DNAJC10: variants seen among roughly 807,000 people sequenced by gnomAD.
The protein encoded by DNAJC10 is DnaJ heat shock protein family (Hsp40) member C10, also known as endoplasmic reticulum disulfide reductase DNAJC10.
In DNAJC10, 101 loss-of-function variants were observed where a neutral mutation model predicts 115.0. The observed-to-expected ratio is 0.88, with a 90% CI of 0.75 to 1.04. The LOEUF (loss-of-function observed/expected upper bound fraction) is 1.04, where lower values mean the gene tolerates loss of function less well. Among genes scored for constraint, DNAJC10 ranks in the 50% least tolerant of loss-of-function variants. The pLI, the probability that DNAJC10 is intolerant of heterozygous loss-of-function variation, is 0.00. For missense variants in DNAJC10, 981 were observed against 928.8 expected, an observed-to-expected ratio of 1.06 and a Z score of -0.73; for synonymous variants, 307 against 301.5, an observed-to-expected ratio of 1.02 and a Z score of -0.19.
rs555531089 is a variant in DNAJC10, at chr2:182,788,412, A to G, written c.*11280A>G. 3 of 217,034 alleles carry G rather than the reference A, an allele frequency of 1.4e-5. No homozygotes were observed. In the South Asian group the frequency reaches 2.1e-4, roughly 15 times the overall value. The allele number at this position is 217,034 out of a possible 1,614,324, so 13.4% of individuals were successfully genotyped here. A position where few individuals can be genotyped will look rare whatever the true frequency, so the allele number is the denominator to read the frequency against. ...TACTTTGGTTACCTATGTACCTGTT[A>G]CCACTTGCAGAAATCAACAGACAAG... On this transcript the variant is annotated 3_prime_UTR_variant, in exon 24 of 24. Transcript: ENST00000264065.
chr2:182,728,833 A>G (rs1304320423), intron 6 of DNAJC10, 30 bp from the exon 7 acceptor site: 1 of 1,613,244 alleles, frequency 6.2e-7, no homozygotes, highest in Non-Finnish European at 8.5e-7. Context: ...TGGTCTTATC[A>G]GAGAAATATG....
chr2:182,766,272 A>T (rs74650559), intron 22 of DNAJC10, among the ~76,000 whole-genome samples: 3,838 of 152,308 alleles, frequency 0.025, 163 homozygotes, highest in African/African-American at 0.089. Flanking sequence ...CTATGGTCAT[A>T]CTAGAGCATC....
In DNAJC10 at chr2:182,792,215, A is replaced by G. The variant is rs896764826; in HGVS notation, c.*15083A>G. ...ACCATCAGTGAACAATTATTTTTTT[A>G]TCTCCATGCTATAATCTTGCACAAG... On this transcript the variant is annotated 3_prime_UTR_variant, in exon 24 of 24. Coordinates refer to ENST00000264065, the MANE Select transcript of DNAJC10 (RefSeq NM_018981.4). 3.9e-5 allele frequency: 6 copies of G among 152,218 alleles called. No homozygotes were observed. The highest frequency in any genetic ancestry group is 1.4e-4 in the African/African-American group (6 of 41,456). The allele number at this position is 152,218 out of a possible 1,614,324, so 9.4% of individuals were successfully genotyped here.
intron 5 of DNAJC10, 98 bp downstream of exon 5, chr2:182,722,173 G>A (rs1055906352): frequency 2.7e-5 from 24 of 881,992 alleles, no homozygotes; most frequent in Non-Finnish European, 3.9e-5. Flanking sequence ...AAATCTTTTG[G>A]AGTTTCGAAC....
intron 8 of DNAJC10, chr2:182,730,516 T>C (rs1201665700): frequency 1.6e-5 from 7 of 447,730 alleles, no homozygotes; most frequent in South Asian, 1.1e-4. Context: ...AAATGCAATA[T>C]AGGTACTATT....
At chr2:182,776,630 A>G (rs773735054) in intron 23 of DNAJC10, among the ~76,000 whole-genome samples, 1 of 152,220 alleles carries the variant, frequency 6.6e-6, no homozygotes, top group Non-Finnish European at 1.5e-5. Context: ...GCAGACCCCA[A>G]TAGACAAAGC....
rs1310306465 is a variant in DNAJC10, at chr2:182,747,643, G to GT, written c.1306+3935dup. On this transcript the variant is annotated intron_variant, in intron 14 of 23. Coordinates refer to ENST00000264065, the MANE Select transcript of DNAJC10 (RefSeq NM_018981.4). ...GGAGATTTTGGGCTGAGACAATGTG[G>GT]TTTTCTAGATATACAATCATGTCGT... 9.2e-5 allele frequency among the ~76,000 whole-genome samples: 14 copies of GT among 152,094 alleles called. No individual in the cohort carries two copies. In the South Asian group the frequency reaches 2.9e-3, roughly 32 times the overall value.
chr2:182,748,349 C>G (rs1396702367), intron 14 of DNAJC10, among the ~76,000 whole-genome samples: 1 of 152,162 alleles, frequency 6.6e-6, no homozygotes, highest in Non-Finnish European at 1.5e-5. Flanking sequence ...GGCTGTGAAT[C>G]CATCTGGTCC....
At chr2:182,745,673 A>G (rs2105654545) in intron 14 of DNAJC10, among the ~76,000 whole-genome samples, 1 of 152,172 alleles carries the variant, frequency 6.6e-6, no homozygotes, top group East Asian at 1.9e-4. Context: ...AAAACAGACA[A>G]GTAAACTAAC....
intron 9 of DNAJC10, among the ~76,000 whole-genome samples, chr2:182,732,071 T>C (rs965064984): frequency 6.6e-6 from 1 of 152,122 alleles, no homozygotes; most frequent in Non-Finnish European, 1.5e-5. Context: ...AGAACTTTCA[T>C]AAAAATAGTG....
chr2:182,771,619 G>A (rs2105704233), intron 22 of DNAJC10, among the ~76,000 whole-genome samples: 1 of 152,264 alleles, frequency 6.6e-6, no homozygotes, highest in East Asian at 1.9e-4. Context: ...TTGTGTAGAG[G>A]TGTTTATAGT....
chr2:182,731,351 C>T (rs1693442649), intron 9 of DNAJC10, among the ~76,000 whole-genome samples: 1 of 151,996 alleles, frequency 6.6e-6, no homozygotes, highest in Non-Finnish European at 1.5e-5. Context: ...AGCTTAGACT[C>T]ATGATAAATT....
At chr2:182,736,109 T>G (rs1385891242) in intron 10 of DNAJC10, 140 bp from the exon 11 acceptor site, 1 of 568,864 alleles carries the variant, frequency 1.8e-6, no homozygotes, top group Admixed American at 4.2e-5. Context: ...AAATCTACTT[T>G]TTAACTTTGC....
At position 182,793,289 on chromosome 2, in the gene DNAJC10, C is replaced by T. The variant is rs983725930; in HGVS notation, c.*16157C>T. 2.6e-5 allele frequency: 4 copies of T among 152,216 alleles called. No homozygotes were observed. Among genetic ancestry groups the T allele is most frequent in the African/African-American group, 9.7e-5 (4 of 41,444 alleles). The allele number at this position is 152,216 out of a possible 1,614,324, so 9.4% of individuals were successfully genotyped here. A position where few individuals can be genotyped will look rare whatever the true frequency, so the allele number is the denominator to read the frequency against. ...AAGTGGGGAGCCAGATCATAGAGGG[C>T]TTTGCAGGTCACTTGTAAGGACTTT... On this transcript the variant is annotated 3_prime_UTR_variant, in exon 24 of 24. Coordinates refer to ENST00000264065, the MANE Select transcript of DNAJC10 (RefSeq NM_018981.4).
intron 21 of DNAJC10, 96 bp downstream of exon 21, chr2:182,759,403 A>G: frequency 8.4e-7 from 1 of 1,191,124 alleles, no homozygotes; most frequent in Non-Finnish European, 1.2e-6. Context: ...TTTTTTTCTT[A>G]AATGTTTCCT....
In DNAJC10 at chr2:182,722,025, G is replaced by T; in HGVS notation, c.368G>T (p.Gly123Val). 1.3e-6 allele frequency: 2 copies of T among 1,497,432 alleles called. No homozygotes were observed. The highest frequency in any genetic ancestry group is 1.4e-5 in the African/African-American group (1 of 70,752). The allele number at this position is 1,497,432 out of a possible 1,614,324, so 92.8% of individuals were successfully genotyped here. The change falls in exon 5 of 24, where the codon GGT (glycine) becomes GTT (valine). Residue 123 changes from glycine (G) to valine (V), a missense_variant and splice_region_variant. Coordinates refer to ENST00000264065, the MANE Select transcript of DNAJC10 (RefSeq NM_018981.4). ...AATTTTTATATACTTTTAAAATTAG[G>T]TATTTATGATGATGATCCTGAAATC... ...ESWNYYRYDF[G>V]IYDDDPEIIT...
chr2:182,752,674 G>A (rs1694052907), intron 16 of DNAJC10: 1 of 462,758 alleles, frequency 2.2e-6, no homozygotes, highest in East Asian at 1.6e-4. Flanking sequence ...ATATACCGTA[G>A]AATGAAAGTA....
At chr2:182,742,843 T>G (rs1442308315) in intron 13 of DNAJC10, among the ~76,000 whole-genome samples, 5 of 150,790 alleles carry the variant, frequency 3.3e-5, no homozygotes, top group African/African-American at 9.7e-5. Context: ...TTTTTCTTTG[T>G]TTTTTTTTCT....
At position 182,792,883 on chromosome 2, in the gene DNAJC10, C is replaced by G. The variant is rs546004677; in HGVS notation, c.*15751C>G. On this transcript the variant is annotated 3_prime_UTR_variant, in exon 24 of 24. Transcript: ENST00000264065. The stretch of plus-strand genomic sequence containing the variant: ...TAAATGTATTGACCTCATGAAGATT[C>G]TATTCTCGCAGTGGGGAGATAGACA... 1 of 152,244 alleles carries G rather than the reference C, an allele frequency of 6.6e-6. No individual in the cohort carries two copies. Among genetic ancestry groups the G allele is most frequent in the South Asian group, 2.1e-4 (1 of 4,828 alleles). The allele number at this position is 152,244 out of a possible 1,614,324, so 9.4% of individuals were successfully genotyped here.
Sources: allele counts gnomAD v4.1 joint callset (sites outside exome capture counted in the v4.1 genomes callset), GRCh38; gene constraint gnomAD v4.1.1; transcripts MANE v1.5; gene names NCBI Gene and HGNC (gene_info 2026-07-23, HGNC 2026-07-21).